The following DHX58 variants were observed in gnomAD, a reference collection of about 807,000 sequenced individuals.
DHX58 encodes the protein DExH-box helicase 58.
DHX58 carries 51 observed loss-of-function variants against 65.0 expected under a neutral mutation model. The observed-to-expected ratio is 0.78, with a 90% CI of 0.63 to 0.99. The LOEUF (loss-of-function observed/expected upper bound fraction) is 0.99, where lower values mean the gene tolerates loss of function less well. DHX58 is among the 50% of genes least tolerant of loss of function. The probability of loss-of-function intolerance (pLI) is 0.00; values close to 1 mark genes in which losing one functional copy is unlikely to be tolerated. For synonymous variants in DHX58, 350 were observed against 365.0 expected, an observed-to-expected ratio of 0.96 and a Z score of 0.47; for missense variants, 773 against 891.8, an observed-to-expected ratio of 0.87 and a Z score of 1.70.
chr17:42,110,186 CAAAAA>C (rs11318535), intron 5 of DHX58, among the ~76,000 whole-genome samples: 3 of 110,370 alleles, frequency 2.7e-5, no homozygotes, highest in African/African-American at 6.5e-5. Flanking sequence ...GACTCCATCT[CAAAAA>C]AAAAAAAAAA....
intron 11 of DHX58, 120 bp from the exon 12 acceptor site, chr17:42,103,918 T>A: frequency 8.8e-7 from 1 of 1,136,116 alleles, no homozygotes; most frequent in Non-Finnish European, 1.2e-6. Context: ...TAACCCTCCC[T>A]GGAGCTTAAA....
intron 3 of DHX58, 49 bp from the exon 4 acceptor site, chr17:42,111,546 G>T: frequency 6.2e-7 from 1 of 1,606,788 alleles, no homozygotes; most frequent in South Asian, 1.1e-5. Context: ...CTGGGGCCAG[G>T]GGTAGGGAGG....
At chr17:42,102,684 C>T (rs1186059555) in intron 12 of DHX58, 2 of 172,802 alleles carry the variant, frequency 1.2e-5, no homozygotes, top group African/African-American at 4.8e-5. Flanking sequence ...CTAAGAGGAA[C>T]CTCCTGGATA....
At chr17:42,111,598 G>C in intron 3 of DHX58, 101 bp from the exon 4 acceptor site, 2 of 1,576,002 alleles carry the variant, frequency 1.3e-6, no homozygotes, top group Non-Finnish European at 1.7e-6. Context: ...ACTGAGCCAG[G>C]GTGGAAAGAC....
At chr17:42,106,088 G>A in intron 8 of DHX58, 99 bp from the exon 9 acceptor site, 1 of 1,325,536 alleles carries the variant, frequency 7.5e-7, no homozygotes, top group Non-Finnish European at 1.0e-6. Context: ...AAGCCTAGGA[G>A]GTCAAGGCTG....
At chr17:42,107,933 CT>C (rs1376568163) in intron 7 of DHX58, 48 bp downstream of exon 7, 1 of 1,612,596 alleles carries the variant, frequency 6.2e-7, no homozygotes, top group South Asian at 1.1e-5. Flanking sequence ...GGCCCCGCCC[CT>C]GACCACTCCC....
intron 9 of DHX58, 71 bp downstream of exon 9, chr17:42,105,665 A>C: frequency 1.3e-6 from 2 of 1,498,470 alleles, no homozygotes; most frequent in East Asian, 4.7e-5. Context: ...TCTGTGCTGA[A>C]GACCCTGTTC....
Position 42,105,855 on chromosome 17 carries a change from GGCGGGT to G in DHX58, c.1126_1131del (p.Thr376_Arg377del). On this transcript the variant is annotated inframe_deletion, in exon 9 of 14. Coordinates refer to ENST00000251642, the MANE Select transcript of DHX58 (RefSeq NM_024119.3). ...CAGAGCAGGAGGGAGTGTGCGCTTT[GGCGGGT>G]GCGGGTGAAGATGATACCCCGAGGG... The G allele has an allele frequency of 1.2e-6, 2 of 1,614,036 alleles. No homozygotes were observed. Among genetic ancestry groups the G allele is most frequent in the Non-Finnish European group, 1.7e-6 (2 of 1,180,020 alleles).
intron 13 of DHX58, 134 bp downstream of exon 13, chr17:42,102,081 AG>A: frequency 7.0e-7 from 1 of 1,433,156 alleles, no homozygotes. Flanking sequence ...TCCCTTAGGG[AG>A]GGGCTGGACC....
In DHX58 at chr17:42,107,704, G is replaced by A. The variant is rs1555663061; in HGVS notation, c.897C>T (p.Ala299=). Residue 299 remains alanine, a synonymous_variant, in exon 8 of 14, where the codon GCC becomes GCT. Coordinates refer to ENST00000251642, the MANE Select transcript of DHX58 (RefSeq NM_024119.3). ...DALLIHDTVR[A]VDALAALQDF... ...CCTGCAGCGCAGCCAAGGCATCCAC[G>A]GCGCGGACGGTGTCATGGATGAGCA... 1.2e-6 allele frequency: 2 copies of A among 1,611,600 alleles called. No individual in the cohort carries two copies. Among genetic ancestry groups the A allele is most frequent in the Non-Finnish European group, 1.7e-6 (2 of 1,178,904 alleles).
chr17:42,101,835 C>T lies in DHX58; in HGVS notation c.1963G>A (p.Val655Met), dbSNP rs370606086. The T allele has an allele frequency of 2.1e-5, 34 of 1,614,126 alleles. No individual in the cohort carries two copies. Among genetic ancestry groups the T allele is most frequent in the Non-Finnish European group, 2.7e-5 (32 of 1,180,052 alleles). ...TCAAAGTCAGGCACGGAGAAGGGCA[C>T]GCGGGACCACTTTTTGGCCTGGATC... ...GRIQAKKWSR[V>M]PFSVPDFDFL... Residue 655 changes from valine (V) to methionine (M), a missense_variant, in exon 14 of 14, where the codon GTG becomes ATG. Transcript: ENST00000251642.
At chr17:42,112,052 C>A in intron 2 of DHX58, 61 bp downstream of exon 2, 3 of 900,082 alleles carry the variant, frequency 3.3e-6, no homozygotes, top group Non-Finnish European at 4.9e-6. Flanking sequence ...CTGCTCTGCC[C>A]AAAAGGGGGA....
intron 8 of DHX58, among the ~76,000 whole-genome samples, chr17:42,106,878 C>A (rs1475682432): frequency 6.6e-6 from 1 of 152,124 alleles, no homozygotes; most frequent in Non-Finnish European, 1.5e-5. Context: ...CGGGGTCATA[C>A]AGTACAGAAC....
At position 42,102,250 on chromosome 17, in the gene DHX58, G is replaced by T; in HGVS notation, c.1817C>A (p.Pro606His). Residue 606 changes from proline to histidine, a missense_variant, in exon 13 of 14, where the codon CCT becomes CAT. By Grantham distance (77) the Pro-to-His change is moderately conservative. Transcript: ENST00000251642. Reference sequence around the variant, plus strand: ...GTTCCTGCAGCTGATGACACCCCCAGGCTTCCAGTCCTTGAAGACTTTGTT... The same window carrying T: ...GTTCCTGCAGCTGATGACACCCCCATGCTTCCAGTCCTTGAAGACTTTGTT... ...VINKVFKDWK[P>H]GGVISCRNCG... 1.2e-6 allele frequency: 2 copies of T among 1,614,168 alleles called. No homozygotes were observed. The highest frequency in any genetic ancestry group is 1.7e-6 in the Non-Finnish European group (2 of 1,180,022).
intron 2 of DHX58, 70 bp downstream of exon 2, chr17:42,112,043 T>C: frequency 1.0e-6 from 1 of 983,446 alleles, no homozygotes. Flanking sequence ...ATCAGGACCC[T>C]GCTCTGCCCA....
rs1351101340 is a variant in DHX58 at position 42,101,676 on chromosome 17, A to T, written c.*85T>A. 1 of 1,530,630 alleles carries T rather than the reference A, an allele frequency of 6.5e-7. No individual in the cohort carries two copies. The highest frequency in any genetic ancestry group is 2.3e-5 in the East Asian group (1 of 44,076). The allele number at this position is 1,530,630 out of a possible 1,614,324, so 94.8% of individuals were successfully genotyped here. On this transcript the variant is annotated 3_prime_UTR_variant, in exon 14 of 14. Coordinates refer to ENST00000251642, the MANE Select transcript of DHX58 (RefSeq NM_024119.3). ...CTGGTGGGCCTGATGCCCACAGCTG[A>T]TGATTCAGGAAGGAGGGGCCTGGAG...
At chr17:42,103,478 C>A in intron 12 of DHX58, 130 bp downstream of exon 12, 1 of 1,205,500 alleles carries the variant, frequency 8.3e-7, no homozygotes, top group Non-Finnish European at 1.2e-6. Context: ...TAAAACCTGT[C>A]TAACCAGATT....
Position 42,105,798 on chromosome 17 carries a change from CCA to C in DHX58, c.1187_1188del (p.Val396GlyfsTer66), listed in dbSNP as rs782411896. On this transcript the variant is annotated frameshift_variant, in exon 9 of 14. Coordinates refer to ENST00000251642, the MANE Select transcript of DHX58 (RefSeq NM_024119.3). LOFTEE classifies it high-confidence loss of function. The stretch of plus-strand genomic sequence containing the variant: ...CCAATCAGTAGCTGGGCCCGGATGT[CCA>C]CAGTCTGCAGGCCCTGCTGCTGCTG... ...WLQQQQGLQT[V>X]DIRAQLLIGA... 1.5e-5 allele frequency: 25 copies of C among 1,612,982 alleles called. No individual in the cohort carries two copies. Among genetic ancestry groups the C allele is most frequent in the Non-Finnish European group, 1.9e-5 (22 of 1,179,500 alleles).
At chr17:42,112,373 C>A in intron 1 of DHX58, 168 bp from the exon 2 acceptor site, 1 of 293,170 alleles carries the variant, frequency 3.4e-6, no homozygotes, top group Non-Finnish European at 6.0e-6. Flanking sequence ...GCATGATCAC[C>A]TCCCATTGGT....
Sources: gnomAD v4.1 joint callset for allele counts (sites outside exome capture counted in the v4.1 genomes callset) on GRCh38, gnomAD v4.1.1 for gene constraint, MANE v1.5 for transcripts, NCBI Gene and HGNC (gene_info 2026-07-23, HGNC 2026-07-21) for gene names.